RSRC2: variants seen among roughly 807,000 people sequenced by gnomAD.
The protein encoded by RSRC2 is arginine/serine-rich coiled-coil protein 2.
A neutral mutation model predicts 61.3 loss-of-function variants in RSRC2; 5 were observed. The ratio of observed to expected loss-of-function variants is 0.08; its 90% CI spans 0.04 to 0.17. The LOEUF (loss-of-function observed/expected upper bound fraction) is 0.17, where lower values mean the gene tolerates loss of function less well. RSRC2 is among the 10% of genes least tolerant of loss of function. The probability of loss-of-function intolerance (pLI) is 1.00; values close to 1 mark genes in which losing one functional copy is unlikely to be tolerated. For missense variants in RSRC2, 381 were observed against 518.8 expected (o/e 0.73, Z 2.58); for synonymous variants, 202 against 166.5 (o/e 1.21, Z -1.64).
intron 6 of RSRC2, chr12:122,514,581 TAAAAA>T: frequency 4.4e-6 from 4 of 915,328 alleles, no homozygotes; most frequent in Non-Finnish European, 5.2e-6. Flanking sequence ...AGCAGAAAAT[TAAAAA>T]AAAAAAAAAA....
At position 122,516,827 on chromosome 12, in the gene RSRC2, G is replaced by A. The variant is rs561854281; in HGVS notation, c.602+400C>T. On this transcript the variant is annotated intron_variant, in intron 5 of 9. Coordinates refer to ENST00000331738, the MANE Select transcript of RSRC2 (RefSeq NM_023012.6). Reference sequence around the variant, plus strand: ...CCCACCTCAGCCTCCCAAGTAGCTGGGATCATAGGTGTGGGTCATCACCCC... The same window carrying A: ...CCCACCTCAGCCTCCCAAGTAGCTGAGATCATAGGTGTGGGTCATCACCCC... 5.9e-5 allele frequency among the ~76,000 whole-genome samples: 9 copies of A among 152,180 alleles called. No individual in the cohort carries two copies. In the East Asian group the frequency reaches 9.7e-4, roughly 16 times the overall value.
At chr12:122,521,728 A>T (rs1322154228) in intron 2 of RSRC2, among the ~76,000 whole-genome samples, 2 of 152,236 alleles carry the variant, frequency 1.3e-5, no homozygotes, top group African/African-American at 4.8e-5. Context: ...GCAAATTCAT[A>T]AGGGGGTTTA....
At chr12:122,516,931 A>T (rs1052050939) in intron 5 of RSRC2, among the ~76,000 whole-genome samples, 1 of 152,104 alleles carries the variant, frequency 6.6e-6, no homozygotes, top group Non-Finnish European at 1.5e-5. Context: ...GGGCTCAAAA[A>T]ATCTGCTCGC....
intron 3 of RSRC2, chr12:122,519,279 T>C (rs949351616): frequency 7.3e-6 from 3 of 411,272 alleles, no homozygotes; most frequent in South Asian, 6.0e-5. Flanking sequence ...ATTTTTAAAG[T>C]TGAAATATTG....
rs919552757 is a variant in RSRC2 at position 122,519,226 on chromosome 12, T to C, written c.208-197A>G. ...TTTTTTTTACTATAAACACCCAAAA[T>C]GTAGTTCCTCCCCAAAATATTTTCA... is the stretch of plus-strand genomic sequence containing the variant. On this transcript the variant is annotated intron_variant, in intron 3 of 9. Transcript: ENST00000331738. 1.1e-5 allele frequency: 6 copies of C among 527,434 alleles called. No homozygotes were observed. The African/African-American group carries it at 1.1e-4, about 10-fold the overall frequency. 32.7% of individuals were successfully genotyped at this position (527,434 alleles called of 1,614,324 possible).
At chr12:122,521,575 A>G (rs1396865202) in intron 2 of RSRC2, 147 bp from the exon 3 acceptor site, 4 of 679,178 alleles carry the variant, frequency 5.9e-6, no homozygotes, top group Non-Finnish European at 1.1e-5. Context: ...ATTATTCTAC[A>G]TTAATACAAC....
intron 2 of RSRC2, 31 bp downstream of exon 2, chr12:122,522,112 G>GA (rs752214801): frequency 6.3e-7 from 1 of 1,589,088 alleles, no homozygotes; most frequent in Admixed American, 1.8e-5. Context: ...TACAAATGCT[G>GA]AGAGTTGTAA....
chr12:122,507,000 A>G (rs1372979105), intron 8 of RSRC2, 77 bp from the exon 9 acceptor site: 7 of 772,428 alleles, frequency 9.1e-6, no homozygotes, highest in Admixed American at 7.1e-5. Context: ...AACAATGTCT[A>G]AATTAAAAAA....
intron 1 of RSRC2, 125 bp downstream of exon 1, chr12:122,526,723 G>A (rs547131717): frequency 9.7e-6 from 11 of 1,128,664 alleles, no homozygotes; most frequent in East Asian, 2.4e-5. Context: ...GGCGGGCGCA[G>A]AAGAAGGCCG....
At position 122,506,890 on chromosome 12, in the gene RSRC2, A is replaced by G. The variant is rs539409493; in HGVS notation, c.1069T>C (p.Leu357=). The part of the protein sequence containing the change: ...KSQSAEIWEK[L]NFGNKDQNVK... ...TTTTGGTCCTTGTTTCCAAAATTCAATTTTTCCCATATTTCAGCAGATTGG... is the reference window on the plus strand; with the variant it reads ...TTTTGGTCCTTGTTTCCAAAATTCAGTTTTTCCCATATTTCAGCAGATTGG... Residue 357 remains leucine, a synonymous_variant, in exon 9 of 10, where the codon TTG becomes CTG. Coordinates refer to ENST00000331738, the MANE Select transcript of RSRC2 (RefSeq NM_023012.6). 8 of 1,610,056 alleles carry G rather than the reference A, an allele frequency of 5.0e-6. No individual in the cohort carries two copies. The highest frequency in any genetic ancestry group is 2.7e-5 in the African/African-American group (2 of 74,886).
chr12:122,520,519 G>C, intron 3 of RSRC2: 1 of 1,365,458 alleles, frequency 7.3e-7, no homozygotes, highest in Non-Finnish European at 9.8e-7. Context: ...CATGAAGTAG[G>C]CTTATTATTT....
intron 3 of RSRC2, 145 bp from the exon 4 acceptor site, chr12:122,519,174 A>G (rs1257434216): frequency 9.6e-6 from 6 of 625,296 alleles, no homozygotes; most frequent in South Asian, 2.2e-5. Context: ...GTTTCACATC[A>G]CCCAAATGTT....
chr12:122,523,657 G>C (rs951657728), intron 1 of RSRC2: 1 of 152,190 alleles, frequency 6.6e-6, no homozygotes, highest in Non-Finnish European at 1.5e-5. Flanking sequence ...TCACATTAGA[G>C]AACTTCCTCC....
chr12:122,514,270 G>GTTT (rs71085815), intron 6 of RSRC2, among the ~76,000 whole-genome samples: 5 of 135,268 alleles, frequency 3.7e-5, no homozygotes, highest in African/African-American at 1.4e-4. Context: ...GTGTGTGTGT[G>GTTT]TTTTTTTTTT....
chr12:122,507,402 T>C (rs904243931), intron 8 of RSRC2: 1 of 154,602 alleles, frequency 6.5e-6, no homozygotes, highest in African/African-American at 2.4e-5. Flanking sequence ...AAAAATAAAA[T>C]AAAAAAATGG....
chr12:122,506,387 T>C (rs577377537), intron 9 of RSRC2: 21 of 156,630 alleles, frequency 1.3e-4, no homozygotes, highest in Non-Finnish European at 2.5e-4. Context: ...GTTTAGTAGG[T>C]TGGAAAAAAC....
At chr12:122,525,506 G>C (rs902651430) in intron 1 of RSRC2, among the ~76,000 whole-genome samples, 2 of 151,846 alleles carry the variant, frequency 1.3e-5, no homozygotes, top group Non-Finnish European at 2.9e-5. Flanking sequence ...AAATAATAGA[G>C]GGGTATGGGG....
Position 122,518,878 on chromosome 12 carries a change from G to A in RSRC2, c.359C>T (p.Ser120Leu). 6.2e-7 allele frequency: 1 copy of A among 1,614,054 alleles called. No homozygotes were observed. Among genetic ancestry groups the A allele is most frequent in the Non-Finnish European group, 8.5e-7 (1 of 1,179,992 alleles). The change falls in exon 4 of 10, where the codon TCA (serine) becomes TTA (leucine). Residue 120 changes from serine (S) to leucine (L), a missense_variant. Ser to Leu is a moderately radical substitution (Grantham distance 145, BLOSUM62 -2). Coordinates refer to ENST00000331738, the MANE Select transcript of RSRC2 (RefSeq NM_023012.6). ...AGATCTTGAGTGACTTCTGCCTCTT[G>A]ATGACTTTCTTTCTTTGCGTTTGTG... ...DRHKRKERKS[S>L]RGRSHSRSRS...
chr12:122,521,016 G>T, intron 3 of RSRC2: 1 of 230,656 alleles, frequency 4.3e-6, no homozygotes, highest in South Asian at 6.3e-5. Flanking sequence ...AGATATCTAG[G>T]GTATTGCTAT....
Sources: gnomAD v4.1 joint callset for allele counts (sites outside exome capture counted in the v4.1 genomes callset) on GRCh38, gnomAD v4.1.1 for gene constraint, MANE v1.5 for transcripts, NCBI Gene and HGNC (gene_info 2026-07-23, HGNC 2026-07-21) for gene names.